Variants in UBASH3B observed in about 807,000 individuals in gnomAD.
UBASH3B encodes ubiquitin associated and SH3 domain containing B.
A neutral mutation model predicts 83.4 loss-of-function variants in UBASH3B; 37 were observed. The observed-to-expected ratio is 0.44, with a 90% CI of 0.34 to 0.58. The LOEUF (loss-of-function observed/expected upper bound fraction) is 0.58, where lower values mean the gene tolerates loss of function less well. Ranked by LOEUF, UBASH3B falls within the 20% of genes least tolerant of loss-of-function variation. UBASH3B has a pLI of 0.01. For synonymous variants in UBASH3B, 304 were observed against 318.3 expected, an observed-to-expected ratio of 0.96 and a Z score of 0.48; for missense variants, 657 against 827.2, an observed-to-expected ratio of 0.79 and a Z score of 2.52.
intron 13 of UBASH3B, among the ~76,000 whole-genome samples, chr11:122,809,319 C>A (rs918205803): frequency 5.3e-5 from 8 of 152,244 alleles, no homozygotes; most frequent in African/African-American, 1.9e-4. Context: ...AAGTGACCCG[C>A]CCGCCTCGGC....
chr11:122,805,563 A>C (rs1861326191), intron 11 of UBASH3B, among the ~76,000 whole-genome samples: 1 of 152,130 alleles, frequency 6.6e-6, no homozygotes, highest in East Asian at 1.9e-4. Context: ...AACAAAAAAC[A>C]AATAACAAAA....
intron 6 of UBASH3B, among the ~76,000 whole-genome samples, chr11:122,792,476 G>A (rs1055698631): frequency 5.3e-5 from 8 of 151,908 alleles, no homozygotes; most frequent in South Asian, 2.1e-4. Flanking sequence ...GTGCCACCAC[G>A]CCCAGCTAAT....
rs1864044983 is a variant in UBASH3B, at chr11:122,702,001, G to A, written c.161+45791G>A. 2.6e-5 allele frequency among the ~76,000 whole-genome samples: 4 copies of A among 152,126 alleles called. No homozygotes were observed. The South Asian group carries it at 8.3e-4, about 32-fold the overall frequency. On this transcript the variant is annotated intron_variant, in intron 1 of 13. Coordinates refer to ENST00000284273, the MANE Select transcript of UBASH3B (RefSeq NM_032873.5). ...CCCAAAATGCTGGGATTACAAGTGT[G>A]AACCACCACGCCCAGCTGTAATGCC...
rs1294964147 is a variant in UBASH3B at position 122,733,634 on chromosome 11, C to T, written c.162-42585C>T. Among the ~76,000 whole-genome samples the T allele has an allele frequency of 6.6e-5, 10 of 152,352 alleles. No homozygotes were observed. In the East Asian group the frequency reaches 1.7e-3, roughly 26 times the overall value. On this transcript the variant is annotated intron_variant, in intron 1 of 13. Transcript: ENST00000284273. ...TGCCTTCATTGATGTATTCATTCCA[C>T]ACATGTGTTGAGTAGCCCTGGAATT...
chr11:122,791,068 G>A (rs573106996), intron 6 of UBASH3B, among the ~76,000 whole-genome samples: 33 of 152,320 alleles, frequency 2.2e-4, no homozygotes, highest in African/African-American at 7.7e-4. Context: ...GAACCTGAGT[G>A]ACTTCGGTCA....
chr11:122,690,321 T>TAA lies in UBASH3B; in HGVS notation c.161+34112_161+34113dup, dbSNP rs1352604329. ...CCAATTATACATATATATATATATA[T>TAA]AATGAGGATTCTATATTATAATACA... On this transcript the variant is annotated intron_variant, in intron 1 of 13. Transcript: ENST00000284273. Among the ~76,000 whole-genome samples the TAA allele has an allele frequency of 1.4e-3, 194 of 141,054 alleles. 1 individual carries two copies. Among genetic ancestry groups the TAA allele is most frequent in the Middle Eastern group, 0.011 (3 of 264 alleles). 92.5% of individuals were successfully genotyped at this position (141,054 alleles called of 152,430 possible). A position where few individuals can be genotyped will look rare whatever the true frequency, so the allele number is the denominator to read the frequency against.
chr11:122,756,083 G>A (rs201390848), intron 1 of UBASH3B, among the ~76,000 whole-genome samples: 4 of 136,594 alleles, frequency 2.9e-5, no homozygotes, highest in East Asian at 2.2e-4. Context: ...GCATTAACAC[G>A]TGTTGGCCTA....
At position 122,719,664 on chromosome 11, in the gene UBASH3B, C is replaced by A. The variant is rs534879412; in HGVS notation, c.162-56555C>A. The stretch of plus-strand genomic sequence containing the variant: ...TCTTGCAAAACCTAAAGTGTTAAAT[C>A]AGATTCTTGAACAGTAACACTTCCC... On this transcript the variant is annotated intron_variant, in intron 1 of 13. Coordinates refer to ENST00000284273, the MANE Select transcript of UBASH3B (RefSeq NM_032873.5). Among the ~76,000 whole-genome samples the A allele has an allele frequency of 7.2e-5, 11 of 152,282 alleles. No homozygotes were observed. In the South Asian group the frequency reaches 2.3e-3, roughly 32 times the overall value.
intron 1 of UBASH3B, among the ~76,000 whole-genome samples, chr11:122,660,209 C>T (rs1591757890): frequency 6.6e-6 from 1 of 152,224 alleles, no homozygotes; most frequent in East Asian, 1.9e-4. Flanking sequence ...TTCAGTCCAA[C>T]TTAGACACTG....
At chr11:122,775,952 A>C (rs2135138976) in intron 1 of UBASH3B, 1 of 385,994 alleles carries the variant, frequency 2.6e-6, no homozygotes, top group South Asian at 4.7e-5. Flanking sequence ...TAAAACTCTA[A>C]TGTGGAAACT....
At chr11:122,720,878 A>T (rs557348084) in intron 1 of UBASH3B, among the ~76,000 whole-genome samples, 2 of 152,082 alleles carry the variant, frequency 1.3e-5, no homozygotes, top group African/African-American at 4.8e-5. Flanking sequence ...GAGGTCAAAA[A>T]TCTTTGTATT....
At chr11:122,778,698 G>A (rs572896474) in intron 3 of UBASH3B, among the ~76,000 whole-genome samples, 11 of 151,396 alleles carry the variant, frequency 7.3e-5, no homozygotes, top group East Asian at 3.9e-4. Context: ...TCTGCTTCCC[G>A]GGTTCAAGTG....
chr11:122,786,511 G>T (rs551111799), intron 5 of UBASH3B, among the ~76,000 whole-genome samples: 1 of 152,196 alleles, frequency 6.6e-6, no homozygotes, highest in Non-Finnish European at 1.5e-5. Flanking sequence ...ACAAAAATTA[G>T]CCAGGTTTGG....
intron 11 of UBASH3B, among the ~76,000 whole-genome samples, chr11:122,803,873 T>C (rs1861296056): frequency 6.6e-6 from 1 of 152,018 alleles, no homozygotes; most frequent in Non-Finnish European, 1.5e-5. Flanking sequence ...GCCACCTGAC[T>C]CTGAGGACAG....
At chr11:122,667,336 G>A (rs1025172034) in intron 1 of UBASH3B, among the ~76,000 whole-genome samples, 4 of 152,182 alleles carry the variant, frequency 2.6e-5, no homozygotes, top group South Asian at 2.1e-4. Context: ...GTGAGCCGCC[G>A]CGCCCAGTCC....
At chr11:122,808,342 C>T (rs1410878329) in intron 13 of UBASH3B, among the ~76,000 whole-genome samples, 166 bp downstream of exon 13, 8 of 152,202 alleles carry the variant, frequency 5.3e-5, no homozygotes, top group Non-Finnish European at 1.0e-4. Flanking sequence ...CTGTGCAGGG[C>T]ACTTTATTAA....
At chr11:122,700,461 T>C (rs1405306298) in intron 1 of UBASH3B, among the ~76,000 whole-genome samples, 1 of 150,720 alleles carries the variant, frequency 6.6e-6, no homozygotes, top group Admixed American at 6.6e-5. Context: ...AATGTTCATA[T>C]GTTCATCTTA....
chr11:122,663,948 G>A (rs1322624037), intron 1 of UBASH3B, among the ~76,000 whole-genome samples: 3 of 152,190 alleles, frequency 2.0e-5, no homozygotes, highest in Non-Finnish European at 4.4e-5. Context: ...GAGAGCGCCT[G>A]GCATTGGGCA....
At chr11:122,675,749 C>T (rs1010979218) in intron 1 of UBASH3B, among the ~76,000 whole-genome samples, 1 of 152,122 alleles carries the variant, frequency 6.6e-6, no homozygotes, top group South Asian at 2.1e-4. Flanking sequence ...AGGAGATAGA[C>T]GCATACACAG....
Sources: allele counts gnomAD v4.1 joint callset (sites outside exome capture counted in the v4.1 genomes callset), GRCh38; gene constraint gnomAD v4.1.1; transcripts MANE v1.5; gene names NCBI Gene and HGNC (gene_info 2026-07-23, HGNC 2026-07-21).